MALRD1: variants seen among roughly 807,000 people sequenced by gnomAD.
The protein encoded by MALRD1 is MAM and LDL receptor class A domain containing 1.
MALRD1 carries 247 observed loss-of-function variants against 242.1 expected under a neutral mutation model. That is an observed-to-expected ratio of 1.02 (90% CI 0.92 to 1.13). MALRD1 has a LOEUF of 1.13. Among genes scored for constraint, MALRD1 ranks in the 50% most tolerant of loss-of-function variants. The pLI is 0.00. For missense variants in MALRD1, 2,989 were observed against 2,533.1 expected (o/e 1.18, Z -3.86); for synonymous variants, 995 against 866.6 (o/e 1.15, Z -2.60).
intron 24 of MALRD1, among the ~76,000 whole-genome samples, chr10:19,335,195 T>TG (rs1843552883): frequency 6.6e-6 from 1 of 150,454 alleles, no homozygotes; most frequent in African/African-American, 2.4e-5. Context: ...TTTTTTTGTT[T>TG]TTTTTTTTTT....
chr10:19,650,961 G>C (rs1564516108), intron 36 of MALRD1, among the ~76,000 whole-genome samples: 1 of 152,110 alleles, frequency 6.6e-6, no homozygotes, highest in Non-Finnish European at 1.5e-5. Context: ...ATCAGGAGTG[G>C]TTTCCAAACC....
intron 38 of MALRD1, among the ~76,000 whole-genome samples, chr10:19,694,772 T>C (rs918197204): frequency 7.2e-5 from 11 of 152,174 alleles, no homozygotes; most frequent in Non-Finnish European, 1.6e-4. Flanking sequence ...CACATGCACA[T>C]GTACGTTTAT....
chr10:19,692,843 T>G (rs1440290335), intron 38 of MALRD1, among the ~76,000 whole-genome samples: 1 of 133,412 alleles, frequency 7.5e-6, no homozygotes, highest in South Asian at 2.4e-4. Context: ...ATTATATATA[T>G]ATGAAATTTA....
chr10:19,097,391 A>G (rs111601848), intron 4 of MALRD1, among the ~76,000 whole-genome samples: 73 of 152,356 alleles, frequency 4.8e-4, no homozygotes, highest in African/African-American at 1.7e-3. Flanking sequence ...TGTATGACTC[A>G]TTAAATATTC....
chr10:19,352,296 A>G lies in MALRD1; in HGVS notation c.4440A>G (p.Thr1480=), dbSNP rs1404996800. The G allele has an allele frequency of 2.0e-6, 3 of 1,483,146 alleles. No individual in the cohort carries two copies. The highest frequency in any genetic ancestry group is 2.7e-6 in the Non-Finnish European group (3 of 1,121,240). The allele number at this position is 1,483,146 out of a possible 1,614,324, so 91.9% of individuals were successfully genotyped here. A position where few individuals can be genotyped will look rare whatever the true frequency, so the allele number is the denominator to read the frequency against. The change falls in exon 26 of 40, where the codon ACA becomes ACG. Residue 1480 remains threonine, a splice_region_variant and synonymous_variant. Transcript: ENST00000454679. ...AAGAACTGGCAGTGCCTCTTCCAAC[A>G]GGTACATTCTAATCTGTGTGTGTGT... The part of the protein sequence containing the change: ...VQEELAVPLP[T]GFCPLGYREC...
At chr10:19,413,599 C>T (rs1253831351) in intron 28 of MALRD1, among the ~76,000 whole-genome samples, 2 of 151,672 alleles carry the variant, frequency 1.3e-5, no homozygotes, top group African/African-American at 4.8e-5. Context: ...TAATTTATTA[C>T]CTCCCAATCT....
chr10:19,482,192 A>C (rs1837024195), intron 29 of MALRD1, among the ~76,000 whole-genome samples: 1 of 152,074 alleles, frequency 6.6e-6, no homozygotes, highest in Non-Finnish European at 1.5e-5. Flanking sequence ...ACATATTTGC[A>C]CTGCTCAATA....
At chr10:19,611,613 C>T (rs993427744) in intron 35 of MALRD1, among the ~76,000 whole-genome samples, 6 of 151,946 alleles carry the variant, frequency 3.9e-5, no homozygotes, top group African/African-American at 1.2e-4. Flanking sequence ...GTAATATTAT[C>T]CCATAGATTC....
chr10:19,338,289 C>T lies in MALRD1; in HGVS notation c.3901+6707C>T, dbSNP rs1013226171. On this transcript the variant is annotated intron_variant, in intron 24 of 39. Transcript: ENST00000454679. ...GACTACCATAGTATCCTTACAGAGT[C>T]GTTTCATTGCCCTAAAAATCCTCTA... Among the ~76,000 whole-genome samples, 6 of 152,008 alleles carry T rather than the reference C, an allele frequency of 3.9e-5. No individual in the cohort carries two copies. The South Asian group carries it at 6.2e-4, about 16-fold the overall frequency.
At chr10:19,242,878 C>A (rs1037955692) in intron 18 of MALRD1, among the ~76,000 whole-genome samples, 1 of 151,980 alleles carries the variant, frequency 6.6e-6, no homozygotes, top group Non-Finnish European at 1.5e-5. Flanking sequence ...TGAATCCATT[C>A]ATCCACTTTA....
chr10:19,228,383 A>C (rs10827095), intron 18 of MALRD1, among the ~76,000 whole-genome samples: 30,273 of 152,148 alleles, frequency 0.2, 3,207 homozygotes, highest in East Asian at 0.35. Context: ...GCCTGTGTTC[A>C]GGAATGGAGA....
chr10:19,352,010 T>C lies in MALRD1; in HGVS notation c.4154T>C (p.Ile1385Thr). The part of the protein sequence containing the change: ...ISKRSKNCKI[I>T]FHYHMYGNGI... ...TATTCCTATTCTTGATTACAGATTA[T>C]TTTTCATTATCACATGTATGGAAAT... Residue 1385 changes from isoleucine to threonine, a missense_variant, in exon 26 of 40, where the codon ATT becomes ACT. Physicochemically the swap from Ile to Thr is moderately conservative, Grantham distance 89. Coordinates refer to ENST00000454679, the MANE Select transcript of MALRD1 (RefSeq NM_001142308.3). 1 of 1,544,682 alleles carries C rather than the reference T, an allele frequency of 6.5e-7. No individual in the cohort carries two copies.
intron 10 of MALRD1, among the ~76,000 whole-genome samples, chr10:19,137,288 C>T (rs1008630283): frequency 3.3e-5 from 5 of 151,796 alleles, no homozygotes; most frequent in African/African-American, 4.8e-5. Context: ...GAGGAAGGGC[C>T]GCTCTCCTCT....
At chr10:19,126,036 G>C (rs1025878691) in intron 7 of MALRD1, among the ~76,000 whole-genome samples, 1 of 151,650 alleles carries the variant, frequency 6.6e-6, no homozygotes, top group African/African-American at 2.4e-5. Context: ...AATTTATCTG[G>C]TCATACAATT....
intron 35 of MALRD1, among the ~76,000 whole-genome samples, chr10:19,609,905 G>C (rs370906275): frequency 1.3e-5 from 2 of 151,656 alleles, no homozygotes; most frequent in South Asian, 4.1e-4. Flanking sequence ...TTGTAGGATG[G>C]GACATTATAA....
chr10:19,553,277 G>A (rs1278095384), intron 32 of MALRD1, among the ~76,000 whole-genome samples: 1 of 151,960 alleles, frequency 6.6e-6, no homozygotes, highest in Non-Finnish European at 1.5e-5. Flanking sequence ...TTTCATATCA[G>A]TAGGAAAATA....
At chr10:19,683,667 C>A (rs1182691259) in intron 36 of MALRD1, among the ~76,000 whole-genome samples, 1 of 151,982 alleles carries the variant, frequency 6.6e-6, no homozygotes, top group Non-Finnish European at 1.5e-5. Flanking sequence ...ACCTTTACAG[C>A]CAGAAATTTA....
At chr10:19,663,617 G>A (rs1016034981) in intron 36 of MALRD1, among the ~76,000 whole-genome samples, 5 of 151,950 alleles carry the variant, frequency 3.3e-5, no homozygotes, top group Non-Finnish European at 7.4e-5. Context: ...ATTTTTAATG[G>A]GTTGTCAGAA....
intron 21 of MALRD1, among the ~76,000 whole-genome samples, chr10:19,284,221 G>A (rs1350918408): frequency 6.6e-6 from 1 of 150,746 alleles, no homozygotes; most frequent in African/African-American, 2.4e-5. Context: ...TTCTAGTGTT[G>A]TAAGCATGTT....
Sources: allele counts gnomAD v4.1 joint callset (sites outside exome capture counted in the v4.1 genomes callset), GRCh38; gene constraint gnomAD v4.1.1; transcripts MANE v1.5; gene names NCBI Gene and HGNC (gene_info 2026-07-23, HGNC 2026-07-21).